The following CD99 variants were observed in gnomAD, a reference collection of about 807,000 sequenced individuals.
CD99 encodes CD99 molecule (Xg blood group).
Under a neutral mutation model 28.4 loss-of-function variants are expected in CD99, and 19 were observed. The ratio of observed to expected loss-of-function variants is 0.67; its 90% CI spans 0.47 to 0.98. The LOEUF (loss-of-function observed/expected upper bound fraction) is 0.98, where lower values mean the gene tolerates loss of function less well. Among genes scored for constraint, CD99 ranks in the 50% least tolerant of loss-of-function variants. CD99 has a pLI of 0.00. For missense variants in CD99, 283 were observed against 248.8 expected (o/e 1.14, Z -0.92); for synonymous variants, 103 against 92.1 (o/e 1.12, Z -0.67).
chrX:2,736,647 G>A (rs1480096488), intron 8 of CD99, among the ~76,000 whole-genome samples: 1 of 151,844 alleles, frequency 6.6e-6, no homozygotes, highest in Non-Finnish European at 1.5e-5. Context: ...CACAAGGTCA[G>A]GAGATCAAGA....
At chrX:2,716,103 C>T (rs1239040682) in intron 2 of CD99, among the ~76,000 whole-genome samples, 1 of 151,314 alleles carries the variant, frequency 6.6e-6, no homozygotes, top group Non-Finnish European at 1.5e-5. Flanking sequence ...ACTGCAACCT[C>T]TGCCTCCCGG....
intron 5 of CD99, among the ~76,000 whole-genome samples, chrX:2,721,286 T>G (rs189312444): frequency 6.1e-4 from 93 of 151,314 alleles, no homozygotes; most frequent in African/African-American, 1.9e-3. Context: ...TTATATATCT[T>G]TTTTTTTTCT....
At chrX:2,695,989 A>G (rs899247325) in intron 1 of CD99, among the ~76,000 whole-genome samples, 1 of 152,204 alleles carries the variant, frequency 6.6e-6, no homozygotes, top group Non-Finnish European at 1.5e-5. Flanking sequence ...CTAACCAAAG[A>G]CAGGGAAAAA....
intron 1 of CD99, chrX:2,692,358 T>C: frequency 5.6e-6 from 1 of 179,130 alleles, no homozygotes; most frequent in South Asian, 1.1e-4. Context: ...TTATCAGGGC[T>C]GGACGTATTT....
At chrX:2,712,686 G>C (rs985667605) in intron 1 of CD99, among the ~76,000 whole-genome samples, 1 of 152,096 alleles carries the variant, frequency 6.6e-6, no homozygotes, top group African/African-American at 2.4e-5. Flanking sequence ...CACTCTGGTT[G>C]CCGGCATGGG....
intron 1 of CD99, among the ~76,000 whole-genome samples, chrX:2,703,615 T>TAA (rs2047980925): frequency 7.2e-6 from 1 of 139,378 alleles, no homozygotes. Flanking sequence ...AGTGTGTGTG[T>TAA]GTGTGTGTGT....
intron 5 of CD99, among the ~76,000 whole-genome samples, chrX:2,722,241 C>A (rs2049025919): frequency 6.6e-6 from 1 of 151,990 alleles, no homozygotes; most frequent in Admixed American, 6.6e-5. Flanking sequence ...GATTTATAAG[C>A]CTTCTTCATT....
At chrX:2,734,495 C>T (rs1469906766) in intron 8 of CD99, among the ~76,000 whole-genome samples, 8 of 151,632 alleles carry the variant, frequency 5.3e-5, no homozygotes, top group South Asian at 2.1e-4. Context: ...TTAGTAGAGA[C>T]GGGGTTTCTC....
intron 2 of CD99, 141 bp from the exon 3 acceptor site, chrX:2,717,464 G>C: frequency 2.9e-6 from 2 of 686,246 alleles, no homozygotes; most frequent in East Asian, 2.7e-5. Context: ...ACCTCAGCTC[G>C]GTGTGGGCAG....
intron 8 of CD99, among the ~76,000 whole-genome samples, chrX:2,733,840 C>A (rs1296042602): frequency 2.0e-5 from 3 of 152,210 alleles, no homozygotes; most frequent in African/African-American, 4.8e-5. Flanking sequence ...AAATCTTCAA[C>A]GTTTTTGGCC....
intron 8 of CD99, among the ~76,000 whole-genome samples, chrX:2,732,763 C>G (rs949519036): frequency 4.9e-5 from 7 of 142,940 alleles, no homozygotes; most frequent in African/African-American, 1.8e-4. Flanking sequence ...CTCCTTCTTT[C>G]CTTTTCCCCT....
chrX:2,726,617 G>A (rs1176848103), intron 8 of CD99, among the ~76,000 whole-genome samples: 3 of 152,134 alleles, frequency 2.0e-5, no homozygotes, highest in Non-Finnish European at 4.4e-5. Flanking sequence ...GGTTGTTTAC[G>A]TCTACCAAGT....
At chrX:2,718,406 T>G (rs1331589111) in intron 3 of CD99, among the ~76,000 whole-genome samples, 29 of 151,356 alleles carry the variant, frequency 1.9e-4, no homozygotes, top group Admixed American at 1.9e-3. Context: ...TCTCGCTCTG[T>G]CGCCCAGGCT....
rs143833473 is a variant in CD99, at chrX:2,741,187, G to C, written c.*383G>C. The stretch of plus-strand genomic sequence containing the variant: ...CCATCGAGCACGTCTGAAACCCCTG[G>C]TAGCCCCGACTTCTTTTTAATTAAA... On this transcript the variant is annotated 3_prime_UTR_variant, in exon 10 of 10. Coordinates refer to ENST00000381192, the MANE Select transcript of CD99 (RefSeq NM_002414.5). 782 of 252,202 alleles carry C rather than the reference G, an allele frequency of 3.1e-3. 8 individuals are homozygous for C. Among genetic ancestry groups the C allele is most frequent in the African/African-American group, 0.016 (719 of 45,202 alleles). The allele number at this position is 252,202 out of a possible 1,614,324, so 15.6% of individuals were successfully genotyped here.
chrX:2,722,988 A>T lies in CD99; in HGVS notation c.310+314A>T, dbSNP rs28744424. The stretch of plus-strand genomic sequence containing the variant: ...CATCCGTTCACCTGTGTGTTCTTGC[A>T]AATAACTAGTGTTGTTTCAGCTTCA... On this transcript the variant is annotated intron_variant, in intron 6 of 9. Transcript: ENST00000381192. Among the ~76,000 whole-genome samples, 163 of 152,280 alleles carry T rather than the reference A, an allele frequency of 1.1e-3. 1 individual carries two copies. Among genetic ancestry groups the T allele is most frequent in the African/African-American group, 3.8e-3 (159 of 41,536 alleles).
chrX:2,711,257 A>T (rs1023455451), intron 1 of CD99, among the ~76,000 whole-genome samples: 1 of 147,836 alleles, frequency 6.8e-6, no homozygotes, highest in Non-Finnish European at 1.5e-5. Context: ...GTATATATAT[A>T]TTTGTATAAA....
intron 1 of CD99, among the ~76,000 whole-genome samples, chrX:2,704,470 A>G (rs192727508): frequency 1.3e-4 from 20 of 151,806 alleles, no homozygotes; most frequent in East Asian, 7.8e-4. Flanking sequence ...GTCTCATTCT[A>G]TCACCCAGGC....
In CD99 at chrX:2,726,219, G is replaced by A. The variant is rs752528350; in HGVS notation, c.362-41G>A. On this transcript the variant is annotated intron_variant, in intron 7 of 9. Coordinates refer to ENST00000381192, the MANE Select transcript of CD99 (RefSeq NM_002414.5). ...TGCCCCCTGGGATCTTCTCTGCACC[G>A]TGCGTGTCTCAATCACGATGCTGTG... 25 of 1,242,298 alleles carry A rather than the reference G, an allele frequency of 2.0e-5. No individual in the cohort carries two copies. In the Admixed American group the frequency reaches 2.0e-4, roughly 10 times the overall value. The allele number at this position is 1,242,298 out of a possible 1,614,324, so 77.0% of individuals were successfully genotyped here.
intron 9 of CD99, among the ~76,000 whole-genome samples, chrX:2,740,230 G>A (rs1364872178): frequency 6.6e-6 from 1 of 152,178 alleles, no homozygotes. Flanking sequence ...GAAGTTGTCT[G>A]GCTTCATTAG....
Sources: gnomAD v4.1 joint callset for allele counts (sites outside exome capture counted in the v4.1 genomes callset) on GRCh38, gnomAD v4.1.1 for gene constraint, MANE v1.5 for transcripts, NCBI Gene and HGNC (gene_info 2026-07-23, HGNC 2026-07-21) for gene names.